The following UBE2D4 variants were observed in gnomAD, a reference collection of about 807,000 sequenced individuals.
UBE2D4 encodes ubiquitin-conjugating enzyme E2 D4.
In UBE2D4, 17 loss-of-function variants were observed where a neutral mutation model predicts 23.0. That is an observed-to-expected ratio of 0.74 (90% CI 0.51 to 1.11). The LOEUF is 1.11. Ranked by LOEUF, UBE2D4 falls within the 50% of genes least tolerant of loss-of-function variation. The pLI is 0.00. For missense variants in UBE2D4, 139 were observed against 181.8 expected (o/e 0.76, Z 1.35); for synonymous variants, 61 against 69.4 (o/e 0.88, Z 0.60).
At chr7:43,934,651 T>TTC (rs1554295272) in intron 1 of UBE2D4, among the ~76,000 whole-genome samples, 9,156 of 150,996 alleles carry the variant, frequency 0.061, 293 homozygotes, top group East Asian at 0.099. Flanking sequence ...TTTTTTTTTT[T>TTC]CCCACAAGAA....
chr7:43,932,988 A>ATG lies in UBE2D4; in HGVS notation c.25-5442_25-5441insGT, dbSNP rs2095949532. Among the ~76,000 whole-genome samples, 2 of 68,556 alleles carry ATG rather than the reference A, an allele frequency of 2.9e-5. 1 individual carries two copies. The highest frequency in any genetic ancestry group is 7.5e-4 in the East Asian group (2 of 2,678). The allele number at this position is 68,556 out of a possible 152,430, so 45.0% of individuals were successfully genotyped here. On this transcript the variant is annotated intron_variant, in intron 1 of 6. Coordinates refer to ENST00000222402, the MANE Select transcript of UBE2D4 (RefSeq NM_015983.4). ...CTGGGGGCAACAAATGTTAAAGTAT[A>ATG]TATATATATATATATATATATATAT...
chr7:43,941,287 G>C (rs999145979), intron 2 of UBE2D4: 4 of 152,236 alleles, frequency 2.6e-5, no homozygotes, highest in African/African-American at 7.2e-5. Flanking sequence ...CAAGGCCCTA[G>C]AGTCAATATC....
intron 4 of UBE2D4, among the ~76,000 whole-genome samples, chr7:43,947,004 T>C (rs1175429657): frequency 6.6e-6 from 1 of 152,144 alleles, no homozygotes; most frequent in Non-Finnish European, 1.5e-5. Flanking sequence ...ACATTACGTA[T>C]TTCTCCTAAT....
At position 43,943,003 on chromosome 7, in the gene UBE2D4, C is replaced by G. The variant is rs1156417198; in HGVS notation, c.170C>G (p.Pro57Arg). 1.9e-6 allele frequency: 3 copies of G among 1,614,034 alleles called. No homozygotes were observed. The highest frequency in any genetic ancestry group is 2.5e-6 in the Non-Finnish European group (3 of 1,180,030). ...GTTTTCTTCCTGACCATCCACTTTC[C>G]TACAGATTACCCGTTCAAGCCCCCA... Reference protein sequence around the residue: ...GGVFFLTIHFPTDYPFKPPKV... With the variant: ...GGVFFLTIHFRTDYPFKPPKV... The change falls in exon 4 of 7, where the codon CCT (proline) becomes CGT (arginine). Residue 57 changes from proline to arginine, a missense_variant. By Grantham distance (103) the Pro-to-Arg change is moderately radical. Transcript: ENST00000222402.
chr7:43,945,914 C>G (rs1247441029), intron 4 of UBE2D4, among the ~76,000 whole-genome samples: 9 of 151,098 alleles, frequency 6.0e-5, no homozygotes, highest in Non-Finnish European at 1.2e-4. Flanking sequence ...TCCCAAGTAG[C>G]TGGGATTACA....
At chr7:43,941,324 G>C (rs1228784429) in intron 2 of UBE2D4, 1 of 152,238 alleles carries the variant, frequency 6.6e-6, no homozygotes, top group Admixed American at 6.5e-5. Context: ...TGACTTGGGA[G>C]CCTTGAATGT....
Position 43,953,606 on chromosome 7 carries a change from C to G in UBE2D4, c.*911C>G, listed in dbSNP as rs890719763. On this transcript the variant is annotated 3_prime_UTR_variant, in exon 7 of 7. Transcript: ENST00000222402. ...TTCAGCCTCTTTCTTTTAGGCAAAA[C>G]AGAAGATACACACTATTAACAGTTA... The G allele has an allele frequency of 2.6e-5, 5 of 194,062 alleles. No individual in the cohort carries two copies. The South Asian group carries it at 4.7e-4, about 18-fold the overall frequency. The allele number at this position is 194,062 out of a possible 1,614,324, so 12.0% of individuals were successfully genotyped here.
intron 1 of UBE2D4, chr7:43,927,989 G>A: frequency 4.5e-6 from 2 of 448,318 alleles, no homozygotes; most frequent in Non-Finnish European, 8.9e-6. Flanking sequence ...AAGAAAAGAG[G>A]TTTATTTGGC....
At position 43,942,877 on chromosome 7, in the gene UBE2D4, C is replaced by A. The variant is rs182021066; in HGVS notation, c.120+20C>A. 218 of 1,614,168 alleles carry A rather than the reference C, an allele frequency of 1.4e-4. No homozygotes were observed. Among genetic ancestry groups the A allele is most frequent in the Admixed American group, 8.5e-4 (51 of 60,014 alleles). On this transcript the variant is annotated intron_variant, in intron 3 of 6. Transcript: ENST00000222402. ...GGCCCGGTAGGTAGTAGCTGCTGAG[C>A]GCACCACTCCAGTTTTGCTTCTTGC... is the stretch of plus-strand genomic sequence containing the variant.
chr7:43,942,920 T>C lies in UBE2D4; in HGVS notation c.121-34T>C, dbSNP rs376821261. 2.1e-4 allele frequency: 337 copies of C among 1,614,132 alleles called. 2 individuals are homozygous for C. In the Middle Eastern group the frequency reaches 2.6e-3, roughly 13 times the overall value. On this transcript the variant is annotated intron_variant, in intron 3 of 6. Coordinates refer to ENST00000222402, the MANE Select transcript of UBE2D4 (RefSeq NM_015983.4). ...CTTCTTGCACTTTGGGCTTAGCACA[T>C]GCACTGATCTCTTTCTGTGTCTCAT...
At position 43,953,405 on chromosome 7, in the gene UBE2D4, A is replaced by AT; in HGVS notation, c.*713dup. The AT allele has an allele frequency of 2.9e-6, 1 of 348,758 alleles. No homozygotes were observed. The highest frequency in any genetic ancestry group is 2.1e-5 in the African/African-American group (1 of 46,646). 21.6% of individuals were successfully genotyped at this position (348,758 alleles called of 1,614,324 possible). ...GAGCAAAATTATGAAACCTCTAGAG[A>AT]TTTGGGTCATGTTACTCCATTTGAT... is the stretch of plus-strand genomic sequence containing the variant. On this transcript the variant is annotated 3_prime_UTR_variant, in exon 7 of 7. Coordinates refer to ENST00000222402, the MANE Select transcript of UBE2D4 (RefSeq NM_015983.4).
intron 5 of UBE2D4, among the ~76,000 whole-genome samples, chr7:43,950,344 G>A (rs1397396195): frequency 7.7e-6 from 1 of 130,684 alleles, no homozygotes; most frequent in Non-Finnish European, 1.7e-5. Flanking sequence ...GTGCTTCAGT[G>A]GAGAAGGGGA....
chr7:43,931,926 G>A (rs963475673), intron 1 of UBE2D4, among the ~76,000 whole-genome samples: 4 of 151,836 alleles, frequency 2.6e-5, no homozygotes, highest in African/African-American at 4.8e-5. Context: ...GAGCTCAAGC[G>A]ATCCACCCAC....
In UBE2D4 at chr7:43,954,996, A is replaced by C. The variant is rs534968748; in HGVS notation, c.*2301A>C. The C allele has an allele frequency of 4.5e-4, 68 of 152,362 alleles. No individual in the cohort carries two copies. The highest frequency in any genetic ancestry group is 1.6e-3 in the African/African-American group (66 of 41,580). 9.4% of individuals were successfully genotyped at this position (152,362 alleles called of 1,614,324 possible). A position where few individuals can be genotyped will look rare whatever the true frequency, so the allele number is the denominator to read the frequency against. ...TCTGTTGGATATACATAATAGAGAA[A>C]GTCAAATCAGCCCTTTGGGGTTTGT... is the stretch of plus-strand genomic sequence containing the variant. On this transcript the variant is annotated 3_prime_UTR_variant, in exon 7 of 7. Transcript: ENST00000222402.
At chr7:43,936,376 T>C (rs1397699811) in intron 1 of UBE2D4, among the ~76,000 whole-genome samples, 4 of 152,182 alleles carry the variant, frequency 2.6e-5, no homozygotes, top group East Asian at 1.9e-4. Context: ...TCTCTACTAC[T>C]ATTCAATACT....
chr7:43,951,253 G>A (rs746880481), intron 6 of UBE2D4, among the ~76,000 whole-genome samples: 1 of 152,180 alleles, frequency 6.6e-6, no homozygotes, highest in Non-Finnish European at 1.5e-5. Context: ...CGACCCCCTA[G>A]GCCAGGCACA....
intron 1 of UBE2D4, among the ~76,000 whole-genome samples, chr7:43,929,397 G>A (rs942413518): frequency 6.7e-6 from 1 of 149,124 alleles, no homozygotes; most frequent in Non-Finnish European, 1.5e-5. Context: ...CTGCACTCCA[G>A]CCTGGGTGAC....
intron 1 of UBE2D4, among the ~76,000 whole-genome samples, chr7:43,927,352 G>GC (rs2095934439): frequency 2.1e-5 from 3 of 139,802 alleles, no homozygotes; most frequent in Non-Finnish European, 3.0e-5. Context: ...CTGGAGTATC[G>GC]CCCAGGCTGG....
chr7:43,948,956 C>T (rs2095995130), intron 5 of UBE2D4: 1 of 539,918 alleles, frequency 1.9e-6, no homozygotes, highest in Non-Finnish European at 3.3e-6. Flanking sequence ...CAGTCAATTG[C>T]CCTGGTGTGC....
Sources: gnomAD v4.1 joint callset for allele counts (sites outside exome capture counted in the v4.1 genomes callset) on GRCh38, gnomAD v4.1.1 for gene constraint, MANE v1.5 for transcripts, NCBI Gene and HGNC (gene_info 2026-07-23, HGNC 2026-07-21) for gene names.